ARB2A: variants seen among roughly 807,000 people sequenced by gnomAD.
The protein encoded by ARB2A is ARB2 cotranscriptional regulator A.
chr5:93,880,273 A>T, the ARB2A span, among the ~76,000 whole-genome samples: 2 of 151,786 alleles, frequency 1.3e-5, no homozygotes, highest in East Asian at 3.8e-4. Context: ...CCACTGCTTA[A>T]CTGTCATAGC....
the ARB2A span, among the ~76,000 whole-genome samples, chr5:94,054,462 G>A: frequency 6.6e-6 from 1 of 152,084 alleles, no homozygotes; most frequent in African/African-American, 2.4e-5. Flanking sequence ...CTTATGATTA[G>A]ACTAGGGTTA....
At chr5:94,034,218 G>A in the ARB2A span, among the ~76,000 whole-genome samples, 4 of 152,160 alleles carry the variant, frequency 2.6e-5, no homozygotes, top group Admixed American at 1.3e-4. Flanking sequence ...GATAATATCC[G>A]TATCTTAAGG....
chr5:93,694,970 A>G, the ARB2A span, among the ~76,000 whole-genome samples: 1 of 152,218 alleles, frequency 6.6e-6, no homozygotes, highest in Non-Finnish European at 1.5e-5. Flanking sequence ...TGGTATTGGG[A>G]AAACTGGCTA....
chr5:93,922,487 G>A, the ARB2A span, among the ~76,000 whole-genome samples: 1 of 150,598 alleles, frequency 6.6e-6, no homozygotes, highest in Non-Finnish European at 1.5e-5. Flanking sequence ...TGGCCAACAT[G>A]GTGAAACCCC....
the ARB2A span, among the ~76,000 whole-genome samples, chr5:93,864,821 A>G: frequency 1.3e-5 from 2 of 152,226 alleles, no homozygotes; most frequent in African/African-American, 2.4e-5. Context: ...CATATGAATG[A>G]TGTCAAAGTA....
At chr5:93,882,931 A>G in the ARB2A span, among the ~76,000 whole-genome samples, 1 of 151,548 alleles carries the variant, frequency 6.6e-6, no homozygotes, top group African/African-American at 2.4e-5. Flanking sequence ...TTCTACTTGA[A>G]GTTTAAATTT....
At chr5:93,792,382 T>C in the ARB2A span, among the ~76,000 whole-genome samples, 3 of 151,824 alleles carry the variant, frequency 2.0e-5, no homozygotes, top group African/African-American at 4.8e-5. Flanking sequence ...CAGTCTTAGA[T>C]AGAAAAGTGA....
At chr5:93,937,084 AG>A in the ARB2A span, among the ~76,000 whole-genome samples, 1 of 151,718 alleles carries the variant, frequency 6.6e-6, no homozygotes, top group Non-Finnish European at 1.5e-5. Context: ...TGTGTCAGCC[AG>A]GATGGTCTCG....
chr5:93,967,291 CAG>C, the ARB2A span, among the ~76,000 whole-genome samples: 8 of 152,010 alleles, frequency 5.3e-5, no homozygotes, highest in African/African-American at 1.2e-4. Context: ...TAATAAGAAA[CAG>C]AGAATTTCCG....
At chr5:93,642,068 T>A in the ARB2A span, among the ~76,000 whole-genome samples, 1 of 151,968 alleles carries the variant, frequency 6.6e-6, no homozygotes. Context: ...GCAGCCTCCA[T>A]CACCCAGGCC....
At chr5:93,834,646 T>C in the ARB2A span, among the ~76,000 whole-genome samples, 1 of 152,088 alleles carries the variant, frequency 6.6e-6, no homozygotes, top group African/African-American at 2.4e-5. Flanking sequence ...TAAACTTAGA[T>C]TAGTTTTAAA....
the ARB2A span, among the ~76,000 whole-genome samples, chr5:93,703,085 C>G: frequency 1.3e-5 from 2 of 152,182 alleles, no homozygotes; most frequent in South Asian, 4.1e-4. Context: ...CAAGGTATAA[C>G]TTGCAAATGT....
the ARB2A span, among the ~76,000 whole-genome samples, chr5:93,981,954 C>T: frequency 2.0e-5 from 3 of 152,144 alleles, no homozygotes; most frequent in African/African-American, 4.8e-5. Context: ...TCAGTCTCTA[C>T]TCCTTCCTAA....
chr5:93,824,427 A>G, the ARB2A span, among the ~76,000 whole-genome samples: 1 of 152,174 alleles, frequency 6.6e-6, no homozygotes, highest in Non-Finnish European at 1.5e-5. Flanking sequence ...GAAAATTCAA[A>G]TTAGAGAATA....
the ARB2A span, among the ~76,000 whole-genome samples, chr5:94,073,445 A>G: frequency 6.6e-6 from 1 of 152,060 alleles, no homozygotes; most frequent in Non-Finnish European, 1.5e-5. Flanking sequence ...TCATGTTAAG[A>G]AGGAAAACCT....
At chr5:94,011,936 C>CAAAAAAAAAAAAAAAAAA in the ARB2A span, among the ~76,000 whole-genome samples, 1 of 30,180 alleles carries the variant, frequency 3.3e-5, no homozygotes, top group Non-Finnish European at 6.4e-5. Flanking sequence ...AAAGGGTAGA[C>CAAAAAAAAAAAAAAAAAA]AAAAAAAAAA....
At chr5:93,908,877 C>A in the ARB2A span, among the ~76,000 whole-genome samples, 1 of 150,700 alleles carries the variant, frequency 6.6e-6, no homozygotes, top group Non-Finnish European at 1.5e-5. Context: ...AAACTTTCCT[C>A]CATGTTTAAA....
chr5:93,971,346 T>A, the ARB2A span, among the ~76,000 whole-genome samples: 1 of 152,034 alleles, frequency 6.6e-6, no homozygotes, highest in African/African-American at 2.4e-5. Flanking sequence ...GGCAGGTGGA[T>A]CACCTGAGAT....
At chr5:94,051,223 C>A in the ARB2A span, among the ~76,000 whole-genome samples, 1 of 152,102 alleles carries the variant, frequency 6.6e-6, no homozygotes, top group Non-Finnish European at 1.5e-5. Context: ...GCTAAACAAT[C>A]GAGATTGAAA....
Sources: allele counts gnomAD v4.1 joint callset (sites outside exome capture counted in the v4.1 genomes callset), GRCh38; gene constraint gnomAD v4.1.1; transcripts MANE v1.5; gene names NCBI Gene and HGNC (gene_info 2026-07-23, HGNC 2026-07-21).